The following CAMSAP2 variants were observed in gnomAD, a reference collection of about 807,000 sequenced individuals.
The protein encoded by CAMSAP2 is calmodulin-regulated spectrin-associated protein 2.
CAMSAP2 carries 26 observed loss-of-function variants against 146.1 expected under a neutral mutation model. The observed-to-expected ratio is 0.18, with a 90% CI of 0.13 to 0.25. The LOEUF is 0.25. CAMSAP2 is among the 10% of genes least tolerant of loss of function. The pLI, the probability that CAMSAP2 is intolerant of heterozygous loss-of-function variation, is 1.00. For missense variants in CAMSAP2, 1,381 were observed against 1,759.3 expected (o/e 0.78, Z 3.85); for synonymous variants, 499 against 596.6 (o/e 0.84, Z 2.38).
intron 8 of CAMSAP2, among the ~76,000 whole-genome samples, chr1:200,846,995 A>G (rs970230277): frequency 2.6e-5 from 4 of 152,176 alleles, no homozygotes; most frequent in African/African-American, 9.7e-5. Flanking sequence ...GATGTATATG[A>G]AAGTACTTCA....
At chr1:200,798,129 G>C (rs1665936234) in intron 2 of CAMSAP2, among the ~76,000 whole-genome samples, 1 of 149,398 alleles carries the variant, frequency 6.7e-6, no homozygotes, top group African/African-American at 2.5e-5. Flanking sequence ...TTGTTCTTTT[G>C]GCTTAGGATT....
rs201620125 is a variant in CAMSAP2 at position 200,787,016 on chromosome 1, GA to G, written c.400-20346del. Among the ~76,000 whole-genome samples the G allele has an allele frequency of 3.6e-3, 483 of 133,634 alleles. 1 individual carries two copies. Among genetic ancestry groups the G allele is most frequent in the African/African-American group, 6.8e-3 (249 of 36,500 alleles). 87.7% of individuals were successfully genotyped at this position (133,634 alleles called of 152,430 possible). A position where few individuals can be genotyped will look rare whatever the true frequency, so the allele number is the denominator to read the frequency against. Reference sequence around the variant, plus strand: ...TTAAGCCCTTATTGAGACCTGCTCAGAAAAAAAAAAAAAAGATTCCTTTCAA... The same window carrying G: ...TTAAGCCCTTATTGAGACCTGCTCAGAAAAAAAAAAAAAGATTCCTTTCAA... On this transcript the variant is annotated intron_variant, in intron 2 of 16. Transcript: ENST00000358823.
intron 6 of CAMSAP2, among the ~76,000 whole-genome samples, chr1:200,835,629 T>A (rs1232779537): frequency 6.6e-6 from 1 of 152,112 alleles, no homozygotes; most frequent in African/African-American, 2.4e-5. Flanking sequence ...TCAAAAAAAA[T>A]TTTTTTCTAA....
At chr1:200,775,173 G>A (rs1571740895) in intron 2 of CAMSAP2, among the ~76,000 whole-genome samples, 1 of 152,204 alleles carries the variant, frequency 6.6e-6, no homozygotes, top group Admixed American at 6.5e-5. Context: ...AATACCTGAA[G>A]GAACTGGCAG....
chr1:200,741,851 A>G (rs777772154), intron 1 of CAMSAP2, among the ~76,000 whole-genome samples: 6 of 152,214 alleles, frequency 3.9e-5, no homozygotes, highest in Non-Finnish European at 8.8e-5. Context: ...AGAGATTGAT[A>G]ACAAGTCTCT....
At chr1:200,769,702 G>A (rs920209996) in intron 2 of CAMSAP2, among the ~76,000 whole-genome samples, 3 of 152,164 alleles carry the variant, frequency 2.0e-5, no homozygotes, top group Non-Finnish European at 4.4e-5. Flanking sequence ...ATGAAGACAC[G>A]TTTAGGGCAA....
intron 10 of CAMSAP2, 69 bp downstream of exon 10, chr1:200,847,778 T>C (rs1286384145): frequency 3.0e-6 from 4 of 1,323,762 alleles, no homozygotes; most frequent in Non-Finnish European, 4.3e-6. Context: ...TGTGTCTCTC[T>C]TTTATTGATA....
intron 14 of CAMSAP2, among the ~76,000 whole-genome samples, chr1:200,855,629 C>G (rs1013115402): frequency 6.6e-6 from 1 of 150,922 alleles, no homozygotes; most frequent in Non-Finnish European, 1.5e-5. Flanking sequence ...CGGAGTCTTT[C>G]TCCATTGCCC....
At chr1:200,782,198 G>GTATAT (rs1558174725) in intron 2 of CAMSAP2, among the ~76,000 whole-genome samples, 9 of 152,288 alleles carry the variant, frequency 5.9e-5, no homozygotes, top group Admixed American at 2.0e-4. Flanking sequence ...CTCATTTGAT[G>GTATAT]CCGTGTGTGG....
chr1:200,842,997 A>C (rs191173190), intron 7 of CAMSAP2, among the ~76,000 whole-genome samples: 1 of 151,884 alleles, frequency 6.6e-6, no homozygotes, highest in Non-Finnish European at 1.5e-5. Flanking sequence ...AAAAAAAAAA[A>C]AAACTAGAGG....
intron 2 of CAMSAP2, among the ~76,000 whole-genome samples, chr1:200,807,118 A>C (rs1414301576): frequency 2.0e-5 from 3 of 152,166 alleles, no homozygotes; most frequent in African/African-American, 4.8e-5. Context: ...AAAAATAGGA[A>C]AAACAAGAAA....
intron 11 of CAMSAP2, among the ~76,000 whole-genome samples, chr1:200,852,190 T>G (rs1667636184): frequency 6.6e-6 from 1 of 152,230 alleles, no homozygotes; most frequent in South Asian, 2.1e-4. Flanking sequence ...TAAATAAAAT[T>G]TAAATGCAAT....
At chr1:200,796,706 A>G (rs929780434) in intron 2 of CAMSAP2, among the ~76,000 whole-genome samples, 3 of 150,238 alleles carry the variant, frequency 2.0e-5, no homozygotes, top group African/African-American at 4.9e-5. Context: ...GTTTTAGGGT[A>G]CATGTGCACA....
chr1:200,741,769 G>A (rs1664182633), intron 1 of CAMSAP2, among the ~76,000 whole-genome samples: 1 of 152,176 alleles, frequency 6.6e-6, no homozygotes, highest in African/African-American at 2.4e-5. Context: ...AGGAAATGAA[G>A]GGAATCTAGT....
At chr1:200,782,782 C>CTTTTTT (rs57995961) in intron 2 of CAMSAP2, among the ~76,000 whole-genome samples, 10 of 72,286 alleles carry the variant, frequency 1.4e-4, no homozygotes, top group Non-Finnish European at 2.2e-4. Flanking sequence ...TCATTTCTCT[C>CTTTTTT]TTTTTTTTTT....
At chr1:200,761,369 T>A (rs1047211897) in intron 2 of CAMSAP2, among the ~76,000 whole-genome samples, 1 of 152,258 alleles carries the variant, frequency 6.6e-6, no homozygotes, top group Admixed American at 6.5e-5. Context: ...ATTTTTTCCG[T>A]TGTAGAGACT....
At chr1:200,831,437 C>G (rs930574626) in intron 4 of CAMSAP2, among the ~76,000 whole-genome samples, 4 of 152,140 alleles carry the variant, frequency 2.6e-5, no homozygotes, top group African/African-American at 9.7e-5. Context: ...GTGGCAGAAC[C>G]AGGATCTGAA....
At chr1:200,771,184 T>C (rs899132755) in intron 2 of CAMSAP2, among the ~76,000 whole-genome samples, 6 of 152,204 alleles carry the variant, frequency 3.9e-5, no homozygotes, top group Non-Finnish European at 8.8e-5. Flanking sequence ...GGGATTGTTT[T>C]GCTCACCTGA....
In CAMSAP2 at chr1:200,844,505, G is replaced by A. The variant is rs1027712454; in HGVS notation, c.1022-277G>A. ...GGAGGTTGCAGTGAGCTGAGATCGC[G>A]CCATTGCACTCCAGCCTGGGTGACA... On this transcript the variant is annotated intron_variant, in intron 7 of 16. Coordinates refer to ENST00000358823, the MANE Select transcript of CAMSAP2 (RefSeq NM_203459.4). Among the ~76,000 whole-genome samples the A allele has an allele frequency of 4.0e-5, 6 of 151,872 alleles. No individual in the cohort carries two copies. In the South Asian group the frequency reaches 6.2e-4, roughly 16 times the overall value.
Sources: allele counts gnomAD v4.1 joint callset (sites outside exome capture counted in the v4.1 genomes callset), GRCh38; gene constraint gnomAD v4.1.1; transcripts MANE v1.5; gene names NCBI Gene and HGNC (gene_info 2026-07-23, HGNC 2026-07-21).